The following HAUS8 variants were observed in gnomAD, a reference collection of about 807,000 sequenced individuals.
HAUS8 encodes HAUS augmin-like complex subunit 8.
In HAUS8, 38 loss-of-function variants were observed where a neutral mutation model predicts 42.9. That is an observed-to-expected ratio of 0.89 (90% CI 0.68 to 1.16). HAUS8 has a LOEUF of 1.16. Among genes scored for constraint, HAUS8 ranks in the 50% most tolerant of loss-of-function variants. The pLI, the probability that HAUS8 is intolerant of heterozygous loss-of-function variation, is 0.00. For missense variants in HAUS8, 494 were observed against 511.6 expected (o/e 0.97, Z 0.33); for synonymous variants, 199 against 205.8 (o/e 0.97, Z 0.28).
intron 4 of HAUS8, among the ~76,000 whole-genome samples, chr19:17,061,018 C>A (rs1487839554): frequency 6.6e-6 from 1 of 152,086 alleles, no homozygotes; most frequent in Non-Finnish European, 1.5e-5. Flanking sequence ...TACAATATAA[C>A]AACGATTTGT....
rs530568824 is a variant in HAUS8, at chr19:17,073,122, G to A, written c.91+152C>T. On this transcript the variant is annotated intron_variant, in intron 2 of 10. Transcript: ENST00000253669. ...ATTCCTGACACAGCCCTCGCCACAG[G>A]GCTGGGATGGCCAGACCCAGAATCC... 1.8e-5 allele frequency: 13 copies of A among 723,174 alleles called. 1 individual carries two copies. In the East Asian group the frequency reaches 3.3e-4, roughly 19 times the overall value. The allele number at this position is 723,174 out of a possible 1,614,324, so 44.8% of individuals were successfully genotyped here. A position where few individuals can be genotyped will look rare whatever the true frequency, so the allele number is the denominator to read the frequency against.
chr19:17,063,920 G>T (rs2057374459), intron 3 of HAUS8, among the ~76,000 whole-genome samples: 1 of 152,074 alleles, frequency 6.6e-6, no homozygotes, highest in Non-Finnish European at 1.5e-5. Context: ...CAGATCCTGG[G>T]ATTTCTCAGC....
intron 1 of HAUS8, chr19:17,073,545 C>T: frequency 1.7e-6 from 1 of 591,964 alleles, no homozygotes; most frequent in Non-Finnish European, 3.0e-6. Flanking sequence ...AGGTGAACAC[C>T]CAAACTGAGA....
rs547170014 is a variant in HAUS8 at position 17,053,269 on chromosome 19, G to A, written c.788-303C>T. The A allele has an allele frequency of 7.8e-6, 3 of 382,384 alleles. No individual in the cohort carries two copies. The East Asian group carries it at 1.6e-4, about 21-fold the overall frequency. The allele number at this position is 382,384 out of a possible 1,614,324, so 23.7% of individuals were successfully genotyped here. On this transcript the variant is annotated intron_variant, in intron 9 of 10. Transcript: ENST00000253669. The stretch of plus-strand genomic sequence containing the variant: ...GAAAAGGGCTGTGCTGTGCCAGGGA[G>A]AATGCCTGAGGCCTCCAAGCCAGAC...
chr19:17,060,113 G>C lies in HAUS8; in HGVS notation c.230-21C>G, dbSNP rs142417253. On this transcript the variant is annotated intron_variant, in intron 4 of 10. Transcript: ENST00000253669. ...ATCTGCTGTTAAGAAAAGAATCCCC[G>C]AAAGTCAGCACAGTCAAGAGACACT... 3.3e-6 allele frequency: 5 copies of C among 1,535,786 alleles called. No individual in the cohort carries two copies. The African/African-American group carries it at 6.8e-5, about 21-fold the overall frequency.
Position 17,073,355 on chromosome 19 carries a change from G to C in HAUS8, c.30-20C>G, listed in dbSNP as rs200166884. 6.2e-7 allele frequency: 1 copy of C among 1,612,526 alleles called. No homozygotes were observed. The highest frequency in any genetic ancestry group is 8.5e-7 in the Non-Finnish European group (1 of 1,178,712). ...GGCTTCCTGCAAGAGAAGAGAGAGA[G>C]GTCTTGTTCACCTCACTACCCAAGA... is the stretch of plus-strand genomic sequence containing the variant. On this transcript the variant is annotated intron_variant, in intron 1 of 10. Coordinates refer to ENST00000253669, the MANE Select transcript of HAUS8 (RefSeq NM_033417.2).
In HAUS8 at chr19:17,052,641, A is replaced by T. The variant is rs985279605; in HGVS notation, c.929+184T>A. 6.3e-6 allele frequency: 4 copies of T among 633,434 alleles called. No individual in the cohort carries two copies. In the African/African-American group the frequency reaches 7.4e-5, roughly 12 times the overall value. 39.2% of individuals were successfully genotyped at this position (633,434 alleles called of 1,614,324 possible). A position where few individuals can be genotyped will look rare whatever the true frequency, so the allele number is the denominator to read the frequency against. On this transcript the variant is annotated intron_variant, in intron 10 of 10. Transcript: ENST00000253669. ...ATGGAGATTTTGTTATCCACAATACAGATGACAATGACACCTGCTGGCCAT... is the reference window on the plus strand; with the variant it reads ...ATGGAGATTTTGTTATCCACAATACTGATGACAATGACACCTGCTGGCCAT...
chr19:17,052,309 C>CT (rs1568633369), intron 10 of HAUS8: 1 of 152,468 alleles, frequency 6.6e-6, no homozygotes, highest in African/African-American at 2.4e-5. Flanking sequence ...TCTCTTCCCC[C>CT]TGCTCTGCTT....
intron 6 of HAUS8, 147 bp from the exon 7 acceptor site, chr19:17,059,023 T>C: frequency 1.6e-6 from 1 of 639,318 alleles, no homozygotes; most frequent in Non-Finnish European, 2.6e-6. Context: ...GGTCTATTGC[T>C]TCTATTTTCT....
intron 4 of HAUS8, among the ~76,000 whole-genome samples, chr19:17,061,955 C>T (rs1198247212): frequency 2.6e-5 from 4 of 151,460 alleles, no homozygotes; most frequent in Admixed American, 6.6e-5. Flanking sequence ...AAGGGCATAG[C>T]GCGAATTCTC....
intron 1 of HAUS8, 89 bp downstream of exon 1, chr19:17,075,305 C>A: frequency 1.4e-6 from 2 of 1,463,940 alleles, no homozygotes; most frequent in Non-Finnish European, 9.6e-7. Flanking sequence ...CCGAACTCAC[C>A]CCGAGGGTCC....
upstream of HAUS8, chr19:17,075,501 T>A: frequency 2.6e-6 from 4 of 1,511,132 alleles, no homozygotes; most frequent in Non-Finnish European, 1.8e-6. Context: ...GGTCGGACCA[T>A]TTGTGGAGAC....
rs755903415 is a variant in HAUS8 at position 17,075,429 on chromosome 19, G to C, written c.-7C>G. On this transcript the variant is annotated 5_prime_UTR_variant, in exon 1 of 11. Transcript: ENST00000253669. ...GCCCCGAGGAATCCGCCATTTTCCC[G>C]CCTTCCACCTCAAGGCCCGACCCGC... 4 of 1,613,632 alleles carry C rather than the reference G, an allele frequency of 2.5e-6. No individual in the cohort carries two copies. The highest frequency in any genetic ancestry group is 1.7e-5 in the Admixed American group (1 of 60,028).
chr19:17,065,277 AGATGTTTTCAT>A (rs2057381073), intron 3 of HAUS8, among the ~76,000 whole-genome samples: 4 of 152,256 alleles, frequency 2.6e-5, no homozygotes, highest in African/African-American at 7.2e-5. Flanking sequence ...CATTATATAG[AGATGTTTTCAT>A]CTACAACTCA....
chr19:17,062,557 T>C, intron 4 of HAUS8, 141 bp downstream of exon 4: 1 of 659,960 alleles, frequency 1.5e-6, no homozygotes, highest in Non-Finnish European at 2.7e-6. Context: ...ATCCCCCCAG[T>C]CTGTCCTTAT....
In HAUS8 at chr19:17,068,083, GTTTTTTTATTTTATTC is replaced by G. The variant is rs1163807652; in HGVS notation, c.147+932_147+947del. The stretch of plus-strand genomic sequence containing the variant: ...TCCCATAGTTTTTCTCTAAAAACCT[GTTTTTTTATTTTATTC>G]TTTTTTTTTTTTTTTTTTTTTTTTG... On this transcript the variant is annotated intron_variant, in intron 3 of 10. Coordinates refer to ENST00000253669, the MANE Select transcript of HAUS8 (RefSeq NM_033417.2). Among the ~76,000 whole-genome samples the G allele has an allele frequency of 3.3e-4, 41 of 125,210 alleles. 1 individual carries two copies. The South Asian group carries it at 0.012, about 36-fold the overall frequency. 82.1% of individuals were successfully genotyped at this position (125,210 alleles called of 152,430 possible).
At chr19:17,074,872 G>C (rs1373478823) in intron 1 of HAUS8, 1 of 155,462 alleles carries the variant, frequency 6.4e-6, no homozygotes, top group African/African-American at 2.4e-5. Flanking sequence ...CTTCTTTCTT[G>C]TTCATGGTGT....
In HAUS8 at chr19:17,061,951, A is replaced by G. The variant is rs140798737; in HGVS notation, c.229+747T>C. On this transcript the variant is annotated intron_variant, in intron 4 of 10. Coordinates refer to ENST00000253669, the MANE Select transcript of HAUS8 (RefSeq NM_033417.2). The stretch of plus-strand genomic sequence containing the variant: ...CTTCTCAACCACGCCTGGGAAGGGC[A>G]TAGCGCGAATTCTCACAAACATCTA... Among the ~76,000 whole-genome samples, 191 of 152,310 alleles carry G rather than the reference A, an allele frequency of 1.3e-3. 2 individuals carry two copies. The East Asian group carries it at 0.025, about 20-fold the overall frequency.
intron 2 of HAUS8, 133 bp from the exon 3 acceptor site, chr19:17,069,219 ACTC>A (rs1454762814): frequency 1.1e-5 from 8 of 751,422 alleles, no homozygotes; most frequent in African/African-American, 1.8e-5. Context: ...GGAGGTCACC[ACTC>A]CTCCTGCTCG....
Sources: gnomAD v4.1 joint callset for allele counts (sites outside exome capture counted in the v4.1 genomes callset) on GRCh38, gnomAD v4.1.1 for gene constraint, MANE v1.5 for transcripts, NCBI Gene and HGNC (gene_info 2026-07-23, HGNC 2026-07-21) for gene names.